The following SMOX variants were observed in gnomAD, a reference collection of about 807,000 sequenced individuals.
SMOX encodes the protein flavin containing amine oxidase.
A neutral mutation model predicts 51.0 loss-of-function variants in SMOX; 22 were observed. That is an observed-to-expected ratio of 0.43 (90% CI 0.31 to 0.62). The LOEUF (loss-of-function observed/expected upper bound fraction) is 0.62, where lower values mean the gene tolerates loss of function less well. Ranked by LOEUF, SMOX falls within the 20% of genes least tolerant of loss-of-function variation. The probability of loss-of-function intolerance (pLI) is 0.10; values close to 1 mark genes in which losing one functional copy is unlikely to be tolerated. For missense variants in SMOX, 566 were observed against 777.7 expected (o/e 0.73, Z 3.24); for synonymous variants, 282 against 307.8 (o/e 0.92, Z 0.88).
chr20:4,179,344 T>C (rs563122127), intron 3 of SMOX, among the ~76,000 whole-genome samples: 45 of 152,228 alleles, frequency 3.0e-4, no homozygotes, highest in Non-Finnish European at 6.0e-4. Context: ...GTGGGTTTGA[T>C]TTTTGAAAGT....
At position 4,170,779 on chromosome 20, in the gene SMOX, C is replaced by T. The variant is rs1445818178; in HGVS notation, c.-26-4251C>T. 6.6e-6 allele frequency among the ~76,000 whole-genome samples: 1 copy of T among 152,150 alleles called. No homozygotes were observed. The highest frequency in any genetic ancestry group is 1.5e-5 in the Non-Finnish European group (1 of 68,032). On this transcript the variant is annotated intron_variant, in intron 1 of 6. Coordinates refer to ENST00000305958, the MANE Select transcript of SMOX (RefSeq NM_175839.3). This position sits in a 1 kb window ranked among gnomAD's most constrained non-coding sequence, Gnocchi z 4.6. ...GCTGCCTTCCTGTGTCCAATGTGGC[C>T]TCTTGGGACACTTCAGTCAGGGTGG... is the stretch of plus-strand genomic sequence containing the variant.
intron 3 of SMOX, among the ~76,000 whole-genome samples, chr20:4,178,763 A>G (rs1259527210): frequency 1.3e-5 from 2 of 150,788 alleles, no homozygotes; most frequent in Non-Finnish European, 1.5e-5. Context: ...AGCTCACCGC[A>G]ACCTCCGCCT....
rs569017413 is a variant in SMOX at position 4,167,114 on chromosome 20, C to T, written c.-26-7916C>T. Among the ~76,000 whole-genome samples, 1 of 152,312 alleles carries T rather than the reference C, an allele frequency of 6.6e-6. No homozygotes were observed. The highest frequency in any genetic ancestry group is 2.1e-4 in the South Asian group (1 of 4,830). ...GCCACCACCTCTGATGCCCCTTCCC[C>T]TCAACAATGGGGAGGATGGTCAGGC... On this transcript the variant is annotated intron_variant, in intron 1 of 6. Transcript: ENST00000305958. This position sits in a 1 kb window ranked among gnomAD's most constrained non-coding sequence, Gnocchi z 4.8.
rs1274553511 is a variant in SMOX at position 4,153,225 on chromosome 20, G to T, written c.-27+4248G>T. Among the ~76,000 whole-genome samples, 2 of 152,254 alleles carry T rather than the reference G, an allele frequency of 1.3e-5. No homozygotes were observed. The highest frequency in any genetic ancestry group is 2.9e-5 in the Non-Finnish European group (2 of 68,048). ...TTTTGGGGTGCTGGGAAGGTCTGCT[G>T]CTTCTGGTTCAGCTACCGCTTTCTG... On this transcript the variant is annotated intron_variant, in intron 1 of 6. Transcript: ENST00000305958. The surrounding 1 kb of genome is among the most constrained non-coding windows in gnomAD (Gnocchi z 4.4).
At position 4,154,124 on chromosome 20, in the gene SMOX, A is replaced by G. The variant is rs1985891047; in HGVS notation, c.-27+5147A>G. On this transcript the variant is annotated intron_variant, in intron 1 of 6. Coordinates refer to ENST00000305958, the MANE Select transcript of SMOX (RefSeq NM_175839.3). The stretch of plus-strand genomic sequence containing the variant: ...TGGCCTTCCTAAGGTGGAGGAGGAG[A>G]AGTGGGTTGAAGCCAGGTTGGGAAA... Among the ~76,000 whole-genome samples the G allele has an allele frequency of 7.2e-5, 11 of 152,042 alleles. No homozygotes were observed. In the South Asian group the frequency reaches 2.3e-3, roughly 32 times the overall value.
chr20:4,164,394 A>T (rs1290401853), intron 1 of SMOX, among the ~76,000 whole-genome samples: 1 of 152,066 alleles, frequency 6.6e-6, no homozygotes, highest in Non-Finnish European at 1.5e-5. Context: ...GTTGTCACAC[A>T]CCTCTGTGGG....
Position 4,187,348 on chromosome 20 carries a change from C to T in SMOX, c.1609C>T (p.Gln537Ter). The part of the protein sequence containing the change: ...STTHGALLSG[Q>*]REAARLIEMY... ...CACCCACGGTGCTCTGCTGTCCGGC[C>T]AGCGTGAGGCTGCCCGCCTCATTGA... The change falls in exon 7 of 7, where the codon CAG becomes TAG. Residue 537 changes from glutamine to a stop codon, truncating the protein, a stop_gained. Transcript: ENST00000305958. LOFTEE classifies it high-confidence loss of function. This position sits in a 1 kb window ranked among gnomAD's most constrained non-coding sequence, Gnocchi z 4.8. The T allele has an allele frequency of 1.2e-6, 2 of 1,614,228 alleles. No homozygotes were observed. The highest frequency in any genetic ancestry group is 1.7e-6 in the Non-Finnish European group (2 of 1,180,046).
At chr20:4,164,512 C>T (rs1986469109) in intron 1 of SMOX, among the ~76,000 whole-genome samples, 1 of 152,194 alleles carries the variant, frequency 6.6e-6, no homozygotes, top group African/African-American at 2.4e-5. Flanking sequence ...CAGCGTCAGA[C>T]CCCAGGACCT....
chr20:4,186,673 G>A, intron 6 of SMOX: 1 of 763,198 alleles, frequency 1.3e-6, no homozygotes, highest in Non-Finnish European at 2.4e-6. Context: ...TCGGCGCCTT[G>A]TGCAAACACC....
chr20:4,181,941 C>A lies in SMOX; in HGVS notation c.574C>A (p.Arg192Ser), dbSNP rs147947595. The A allele has an allele frequency of 1.7e-4, 273 of 1,614,074 alleles. 1 individual carries two copies. The African/African-American group carries it at 2.6e-3, about 15-fold the overall frequency. Residue 192 changes from arginine to serine, a missense_variant, in exon 4 of 7, where the codon CGC becomes AGC. Physicochemically the swap from Arg to Ser is moderately radical, Grantham distance 110 (BLOSUM62 -1). This residue lies in a region of SMOX where 217 missense variants were observed against 278.4 expected (regional missense o/e 0.78). Transcript: ENST00000305958. This position sits in a 1 kb window ranked among gnomAD's most constrained non-coding sequence, Gnocchi z 5.6. Reference protein sequence around the residue: ...NDPDDPEATKRLKLAMIQQYL... With the variant: ...NDPDDPEATKSLKLAMIQQYL... ...CCCTGACGACCCAGAGGCTACCAAG[C>A]GCCTGAAGCTCGCCATGATCCAGCA...
chr20:4,179,388 G>A (rs1050659936), intron 3 of SMOX, among the ~76,000 whole-genome samples: 2 of 152,306 alleles, frequency 1.3e-5, no homozygotes, highest in Non-Finnish European at 2.9e-5. Flanking sequence ...GAGTGGATAT[G>A]GTGGATTATC....
chr20:4,158,597 C>CAA (rs1166481434), intron 1 of SMOX, among the ~76,000 whole-genome samples: 1 of 152,152 alleles, frequency 6.6e-6, no homozygotes, highest in Non-Finnish European at 1.5e-5. Flanking sequence ...GAAAACAGAA[C>CAA]AAAGAATCTA....
intron 1 of SMOX, among the ~76,000 whole-genome samples, chr20:4,160,047 A>G (rs758480524): frequency 2.0e-4 from 30 of 152,236 alleles, no homozygotes; most frequent in Non-Finnish European, 3.4e-4. Flanking sequence ...GTGCTGGCCA[A>G]TGCAATTAGA....
At chr20:4,157,409 T>C (rs1986066297) in intron 1 of SMOX, among the ~76,000 whole-genome samples, 1 of 152,120 alleles carries the variant, frequency 6.6e-6, no homozygotes, top group African/African-American at 2.4e-5. Flanking sequence ...CAGAGTAGCC[T>C]GCAGAGGAGA....
chr20:4,166,330 G>A lies in SMOX; in HGVS notation c.-26-8700G>A, dbSNP rs1189907916. Among the ~76,000 whole-genome samples, 3 of 152,092 alleles carry A rather than the reference G, an allele frequency of 2.0e-5. No individual in the cohort carries two copies. The highest frequency in any genetic ancestry group is 7.2e-5 in the African/African-American group (3 of 41,424). ...TCATCAAGGCCCTCAGTGAGCTTTC[G>A]GAAAGACCCTGCCCTTTGTCTGACT... is the stretch of plus-strand genomic sequence containing the variant. On this transcript the variant is annotated intron_variant, in intron 1 of 6. Transcript: ENST00000305958. This position sits in a 1 kb window ranked among gnomAD's most constrained non-coding sequence, Gnocchi z 4.2.
intron 1 of SMOX, among the ~76,000 whole-genome samples, chr20:4,173,213 C>G (rs1471900233): frequency 6.6e-6 from 1 of 152,184 alleles, no homozygotes; most frequent in Non-Finnish European, 1.5e-5. Context: ...CAGAAAGGCC[C>G]CTCCTGCCCC....
chr20:4,164,656 T>G (rs575531162), intron 1 of SMOX, among the ~76,000 whole-genome samples: 26 of 152,350 alleles, frequency 1.7e-4, no homozygotes, highest in Admixed American at 1.2e-3. Context: ...TGTCTCTTCC[T>G]GGGGTTCGCC....
At chr20:4,154,506 G>T (rs950965501) in intron 1 of SMOX, among the ~76,000 whole-genome samples, 1 of 152,000 alleles carries the variant, frequency 6.6e-6, no homozygotes, top group African/African-American at 2.4e-5. Context: ...CTTCTGAGTA[G>T]CAGTAGCTGG....
At chr20:4,151,936 A>G (rs1383401730) in intron 1 of SMOX, among the ~76,000 whole-genome samples, 1 of 152,150 alleles carries the variant, frequency 6.6e-6, no homozygotes, top group African/African-American at 2.4e-5. Context: ...TTGGGGCTGG[A>G]TTGGGCAGAG....
Sources: gnomAD v4.1 joint callset for allele counts (sites outside exome capture counted in the v4.1 genomes callset) on GRCh38, gnomAD v4.1.1 for gene constraint, gnomAD v4.1.1 regional missense constraint, Gnocchi (gnomAD v3.1) non-coding constraint, MANE v1.5 for transcripts, NCBI Gene and HGNC (gene_info 2026-07-23, HGNC 2026-07-21) for gene names.